The following TAF2 variants were observed in gnomAD, a reference collection of about 807,000 sequenced individuals.
TAF2 encodes the protein transcription initiation factor TFIID subunit 2.
TAF2 carries 61 observed loss-of-function variants against 138.5 expected under a neutral mutation model. The ratio of observed to expected loss-of-function variants is 0.44; its 90% CI spans 0.36 to 0.54. TAF2 has a LOEUF of 0.54. Among genes scored for constraint, TAF2 ranks in the 20% least tolerant of loss-of-function variants. TAF2 has a pLI of 0.00. For synonymous variants in TAF2, 475 were observed against 469.9 expected (o/e 1.01, Z -0.14); for missense variants, 1,090 against 1,427.9 (o/e 0.76, Z 3.81).
chr8:119,741,005 A>G (rs1455885404), intron 25 of TAF2, among the ~76,000 whole-genome samples: 1 of 152,180 alleles, frequency 6.6e-6, no homozygotes, highest in Admixed American at 6.6e-5. Flanking sequence ...GCCAAAACTC[A>G]AATGTTAATG....
At chr8:119,747,466 C>T (rs1359587720) in intron 22 of TAF2, among the ~76,000 whole-genome samples, 2 of 152,158 alleles carry the variant, frequency 1.3e-5, no homozygotes, top group Non-Finnish European at 2.9e-5. Flanking sequence ...TAGACGTGGA[C>T]TTGACCAGAA....
intron 9 of TAF2, among the ~76,000 whole-genome samples, chr8:119,794,461 G>C (rs577255984): frequency 6.6e-6 from 1 of 151,574 alleles, no homozygotes; most frequent in Admixed American, 6.6e-5. Context: ...ACTCCTAACT[G>C]CTTTAAATAA....
intron 3 of TAF2, among the ~76,000 whole-genome samples, chr8:119,814,892 G>C (rs1390829551): frequency 1.3e-5 from 2 of 150,426 alleles, no homozygotes; most frequent in Non-Finnish European, 3.0e-5. Context: ...CTGGGCGCCA[G>C]AGCAGGACTC....
intron 20 of TAF2, among the ~76,000 whole-genome samples, chr8:119,759,674 C>T (rs914314681): frequency 2.0e-5 from 3 of 152,122 alleles, no homozygotes; most frequent in African/African-American, 7.2e-5. Context: ...TTTCATTTCA[C>T]ATTTTCACCA....
At chr8:119,832,141 TGAGAGACTCCG>T (rs1398458463) in intron 1 of TAF2, among the ~76,000 whole-genome samples, 1 of 151,586 alleles carries the variant, frequency 6.6e-6, no homozygotes, top group Non-Finnish European at 1.5e-5. Context: ...CCTGGGCGAC[TGAGAGACTCCG>T]TCTTAAAAAT....
chr8:119,751,162 C>T (rs1820323299), intron 22 of TAF2, among the ~76,000 whole-genome samples: 1 of 152,048 alleles, frequency 6.6e-6, no homozygotes, highest in Non-Finnish European at 1.5e-5. Context: ...CAGTATCTTA[C>T]TTGAAGCTAT....
intron 10 of TAF2, among the ~76,000 whole-genome samples, chr8:119,793,091 C>T (rs1356732313): frequency 6.6e-6 from 1 of 151,066 alleles, no homozygotes; most frequent in African/African-American, 2.4e-5. Flanking sequence ...AATGTGAGAC[C>T]CCATTTAAAA....
Position 119,832,656 on chromosome 8 carries a change from G to A in TAF2, c.-92C>T, listed in dbSNP as rs576296524. 1.6e-6 allele frequency: 2 copies of A among 1,252,452 alleles called. No homozygotes were observed. Among genetic ancestry groups the A allele is most frequent in the South Asian group, 1.3e-5 (1 of 75,954 alleles). 77.6% of individuals were successfully genotyped at this position (1,252,452 alleles called of 1,614,324 possible). A position where few individuals can be genotyped will look rare whatever the true frequency, so the allele number is the denominator to read the frequency against. On this transcript the variant is annotated 5_prime_UTR_variant, in exon 1 of 26. Transcript: ENST00000378164. The stretch of plus-strand genomic sequence containing the variant: ...CACCTCACACTCTCCACTCCCCTGC[G>A]GTCCCCAAGTCACGTCTCGCAGCTG...
chr8:119,830,109 A>G (rs1211598715), intron 2 of TAF2, among the ~76,000 whole-genome samples: 2 of 151,932 alleles, frequency 1.3e-5, no homozygotes, highest in Non-Finnish European at 2.9e-5. Context: ...CGTGTTAGCC[A>G]GGATGGTTTC....
chr8:119,748,955 G>A (rs1820165185), intron 22 of TAF2, among the ~76,000 whole-genome samples: 1 of 151,714 alleles, frequency 6.6e-6, no homozygotes, highest in Admixed American at 6.6e-5. Flanking sequence ...GAACAGTTTA[G>A]AGTACATTTG....
intron 18 of TAF2, among the ~76,000 whole-genome samples, chr8:119,775,279 CAAAA>C (rs59665180): frequency 2.0e-5 from 2 of 100,828 alleles, no homozygotes; most frequent in Non-Finnish European, 1.9e-5. Context: ...GATTCCATCT[CAAAA>C]AAAAAAAAAA....
chr8:119,737,611 C>T (rs913859625), intron 25 of TAF2, among the ~76,000 whole-genome samples: 3 of 150,756 alleles, frequency 2.0e-5, no homozygotes, highest in African/African-American at 7.3e-5. Flanking sequence ...CAGGTTCAAG[C>T]GAATCTCCTG....
chr8:119,762,441 C>A lies in TAF2; in HGVS notation c.2532G>T (p.Pro844=), dbSNP rs556150398. 4.3e-6 allele frequency: 7 copies of A among 1,613,818 alleles called. No individual in the cohort carries two copies. Among genetic ancestry groups the A allele is most frequent in the Non-Finnish European group, 5.1e-6 (6 of 1,179,874 alleles). The change falls in exon 19 of 26, where the codon CCG becomes CCT. Residue 844 remains proline (P), a synonymous_variant. Transcript: ENST00000378164. The stretch of plus-strand genomic sequence containing the variant: ...TGACAGTGATGGTATGCCTGTAACT[C>A]GGAAGAAGTTTTTCCATATTCAAAA... The part of the protein sequence containing the change: ...TRFLNMEKLL[P]SYRHTITVSC...
intron 14 of TAF2, 86 bp downstream of exon 14, chr8:119,788,252 G>A: frequency 2.6e-6 from 3 of 1,167,544 alleles, no homozygotes; most frequent in Non-Finnish European, 3.8e-6. Context: ...AAAAAATTAG[G>A]TATACAAGAG....
intron 22 of TAF2, among the ~76,000 whole-genome samples, chr8:119,753,722 A>T (rs531590490): frequency 5.3e-4 from 80 of 152,348 alleles, no homozygotes; most frequent in Non-Finnish European, 7.6e-4. Flanking sequence ...AAATTGTCTC[A>T]TTAATCTTGA....
chr8:119,802,069 C>G, intron 5 of TAF2, 44 bp from the exon 6 acceptor site: 1 of 1,478,796 alleles, frequency 6.8e-7, no homozygotes, highest in Non-Finnish European at 9.3e-7. Context: ...TCAAAGAGTT[C>G]TCTACATTGT....
At chr8:119,753,154 C>T (rs1002886210) in intron 22 of TAF2, among the ~76,000 whole-genome samples, 1 of 152,094 alleles carries the variant, frequency 6.6e-6, no homozygotes, top group Non-Finnish European at 1.5e-5. Context: ...AACTATATAA[C>T]ACAACACACA....
At chr8:119,823,057 T>C (rs181389206) in intron 2 of TAF2, among the ~76,000 whole-genome samples, 2 of 152,330 alleles carry the variant, frequency 1.3e-5, no homozygotes, top group Admixed American at 1.3e-4. Flanking sequence ...GAAATATCAC[T>C]GTTTTTCTCT....
chr8:119,791,582 A>C lies in TAF2; in HGVS notation c.1278-123T>G, dbSNP rs140793481. ...AGGAGAATATATAAGCAATTTCCTT[A>C]GTACTAATAAACATCTAAAAATAAA... On this transcript the variant is annotated intron_variant, in intron 10 of 25. Coordinates refer to ENST00000378164, the MANE Select transcript of TAF2 (RefSeq NM_003184.4). The C allele has an allele frequency of 4.6e-6, 5 of 1,084,246 alleles. No individual in the cohort carries two copies. In the African/African-American group the frequency reaches 8.0e-5, roughly 17 times the overall value. The allele number at this position is 1,084,246 out of a possible 1,614,324, so 67.2% of individuals were successfully genotyped here.
Sources: allele counts gnomAD v4.1 joint callset (sites outside exome capture counted in the v4.1 genomes callset), GRCh38; gene constraint gnomAD v4.1.1; transcripts MANE v1.5; gene names NCBI Gene and HGNC (gene_info 2026-07-23, HGNC 2026-07-21).